GPM6A: variants seen among roughly 807,000 people sequenced by gnomAD.
GPM6A encodes the protein neuronal membrane glycoprotein M6-a.
A neutral mutation model predicts 32.1 loss-of-function variants in GPM6A; 7 were observed. That is an observed-to-expected ratio of 0.22 (90% CI 0.12 to 0.41). The LOEUF (loss-of-function observed/expected upper bound fraction) is 0.41, where lower values mean the gene tolerates loss of function less well. Among genes scored for constraint, GPM6A ranks in the 10% least tolerant of loss-of-function variants. The probability of loss-of-function intolerance (pLI) is 1.00; values close to 1 mark genes in which losing one functional copy is unlikely to be tolerated. For synonymous variants in GPM6A, 130 were observed against 123.4 expected (o/e 1.05, Z -0.35); for missense variants, 235 against 347.2 (o/e 0.68, Z 2.57).
At chr4:175,753,363 C>A (rs540310938) in intron 1 of GPM6A, among the ~76,000 whole-genome samples, 1 of 152,078 alleles carries the variant, frequency 6.6e-6, no homozygotes, top group African/African-American at 2.4e-5. Flanking sequence ...TAATAAAAGT[C>A]ACATATGTAT....
intron 1 of GPM6A, among the ~76,000 whole-genome samples, chr4:175,995,629 C>T (rs1741285686): frequency 6.6e-6 from 1 of 152,060 alleles, no homozygotes; most frequent in Admixed American, 6.6e-5. Context: ...AAGCCCAAGC[C>T]TTCTGAATCT....
chr4:175,925,845 CTTTTCT>C (rs1460579891), intron 1 of GPM6A, among the ~76,000 whole-genome samples: 2 of 136,646 alleles, frequency 1.5e-5, no homozygotes, highest in African/African-American at 3.0e-5. Flanking sequence ...TTTTTCTTTT[CTTTTCT>C]TTTTTTTTTT....
At chr4:175,793,324 C>CTGGA (rs1734084342) in intron 1 of GPM6A, among the ~76,000 whole-genome samples, 1 of 151,956 alleles carries the variant, frequency 6.6e-6, no homozygotes, top group Non-Finnish European at 1.5e-5. Context: ...TAAGAACATT[C>CTGGA]TGGAATAGTC....
intron 1 of GPM6A, chr4:175,962,610 G>A (rs971499500): frequency 4.2e-5 from 11 of 260,062 alleles, no homozygotes; most frequent in African/African-American, 2.5e-4. Context: ...GAAGACAACT[G>A]AGGTGATAGA....
intron 1 of GPM6A, among the ~76,000 whole-genome samples, chr4:175,939,656 A>C (rs1739344167): frequency 6.6e-6 from 1 of 152,228 alleles, no homozygotes; most frequent in Non-Finnish European, 1.5e-5. Context: ...TAAGCCTACC[A>C]GATGGAAAAA....
rs539572114 is a variant in GPM6A, at chr4:175,834,108, G to A, written c.-22-21859C>T. Among the ~76,000 whole-genome samples, 16 of 152,134 alleles carry A rather than the reference G, an allele frequency of 1.1e-4. No individual in the cohort carries two copies. The South Asian group carries it at 2.9e-3, about 28-fold the overall frequency. The stretch of plus-strand genomic sequence containing the variant: ...CAGAGGCAGCACTGCCAAAGAGGCC[G>A]TGACTACCCAACCGAGAGAGATGTG... On this transcript the variant is annotated intron_variant, in intron 1 of 7. Coordinates refer to the GPM6A transcript ENST00000280187.
intron 1 of GPM6A, among the ~76,000 whole-genome samples, chr4:175,931,709 C>CACACATATATAT (rs1324269132): frequency 2.3e-5 from 3 of 129,298 alleles, no homozygotes; most frequent in African/African-American, 8.6e-5. Flanking sequence ...CACACACACA[C>CACACATATATAT]ATATATATAT....
chr4:175,931,905 C>A (rs1261123015), intron 1 of GPM6A, among the ~76,000 whole-genome samples: 2 of 151,740 alleles, frequency 1.3e-5, no homozygotes, highest in Non-Finnish European at 2.9e-5. Flanking sequence ...GGCAACATAA[C>A]AAGACCTCAG....
intron 1 of GPM6A, among the ~76,000 whole-genome samples, chr4:175,761,286 G>A (rs1732729096): frequency 1.3e-5 from 2 of 152,110 alleles, no homozygotes; most frequent in South Asian, 4.1e-4. Flanking sequence ...TAGAGACAGG[G>A]TTTCACCATG....
chr4:175,652,042 T>A (rs1309862567), intron 3 of GPM6A, 55 bp from the exon 4 acceptor site: 24 of 1,433,134 alleles, frequency 1.7e-5, no homozygotes, highest in Non-Finnish European at 2.1e-5. Context: ...AAAAGAAGAA[T>A]TTTGTGTTTA....
At chr4:175,900,717 T>C (rs991439214) in intron 1 of GPM6A, among the ~76,000 whole-genome samples, 2 of 152,126 alleles carry the variant, frequency 1.3e-5, no homozygotes, top group East Asian at 3.9e-4. Flanking sequence ...ATTAAGAGCT[T>C]CCTCAGAAAC....
At chr4:175,756,372 G>C (rs867064181) in intron 1 of GPM6A, among the ~76,000 whole-genome samples, 8 of 152,212 alleles carry the variant, frequency 5.3e-5, no homozygotes, top group Middle Eastern at 3.4e-3. Flanking sequence ...AATGACAAGA[G>C]TTGAGTTATG....
chr4:175,738,048 C>T (rs2111159808), intron 1 of GPM6A, among the ~76,000 whole-genome samples: 1 of 152,090 alleles, frequency 6.6e-6, no homozygotes, highest in South Asian at 2.1e-4. Flanking sequence ...AGCGATTCTC[C>T]TGCCTCAGCC....
At chr4:175,928,686 C>T (rs549975482) in intron 1 of GPM6A, among the ~76,000 whole-genome samples, 90 of 152,274 alleles carry the variant, frequency 5.9e-4, no homozygotes, top group African/African-American at 1.9e-3. Flanking sequence ...CACCAAGAAA[C>T]GCAGTATGAA....
At chr4:175,644,586 A>C (rs1190643680) in intron 4 of GPM6A, among the ~76,000 whole-genome samples, 3 of 152,044 alleles carry the variant, frequency 2.0e-5, no homozygotes, top group Non-Finnish European at 4.4e-5. Context: ...GAGCACGTGG[A>C]GGATGAGCTG....
intron 1 of GPM6A, among the ~76,000 whole-genome samples, chr4:175,748,718 T>C (rs779369568): frequency 6.6e-6 from 1 of 152,078 alleles, no homozygotes; most frequent in Non-Finnish European, 1.5e-5. Flanking sequence ...AACAAGAGAG[T>C]CAGCCTGTCC....
In GPM6A at chr4:175,895,287, G is replaced by C. The variant is rs908652871; in HGVS notation, c.-22-83038C>G. ...TGGAATAAACTAAATGACTCCATTTGGTTGCTATAAAGAATACGTGATTCA... is the reference window on the plus strand; with the variant it reads ...TGGAATAAACTAAATGACTCCATTTCGTTGCTATAAAGAATACGTGATTCA... On this transcript the variant is annotated intron_variant, in intron 1 of 7. Transcript: ENST00000280187. Among the ~76,000 whole-genome samples the C allele has an allele frequency of 3.3e-5, 5 of 151,858 alleles. No homozygotes were observed. In the East Asian group the frequency reaches 7.7e-4, roughly 23 times the overall value.
chr4:175,697,316 TCTTA>T (rs1209000680), intron 2 of GPM6A, among the ~76,000 whole-genome samples: 3 of 152,174 alleles, frequency 2.0e-5, no homozygotes, highest in Non-Finnish European at 1.5e-5. Flanking sequence ...CTACCCTACT[TCTTA>T]CTTAGTTTGT....
At chr4:175,674,876 C>G (rs1579370948) in intron 2 of GPM6A, among the ~76,000 whole-genome samples, 1 of 150,348 alleles carries the variant, frequency 6.7e-6, no homozygotes, top group Non-Finnish European at 1.5e-5. Flanking sequence ...CATTTTCTCA[C>G]AATTGATTAC....
Sources: allele counts gnomAD v4.1 joint callset (sites outside exome capture counted in the v4.1 genomes callset), GRCh38; gene constraint gnomAD v4.1.1; transcripts MANE v1.5; gene names NCBI Gene and HGNC (gene_info 2026-07-23, HGNC 2026-07-21).